Variants in GOPC observed in about 807,000 individuals in gnomAD.
GOPC encodes the protein Golgi-associated PDZ and coiled-coil motif-containing protein.
Under a neutral mutation model 51.2 loss-of-function variants are expected in GOPC, and 32 were observed. The observed-to-expected ratio is 0.63, with a 90% CI of 0.47 to 0.84. The LOEUF (loss-of-function observed/expected upper bound fraction) is 0.84, where lower values mean the gene tolerates loss of function less well. GOPC is among the 40% of genes least tolerant of loss of function. The pLI is 0.00. For synonymous variants in GOPC, 190 were observed against 205.1 expected, an observed-to-expected ratio of 0.93 and a Z score of 0.63; for missense variants, 441 against 555.5, an observed-to-expected ratio of 0.79 and a Z score of 2.07.
chr6:117,589,057 AAAAAC>A (rs1346378859), intron 1 of GOPC, among the ~76,000 whole-genome samples: 3 of 152,314 alleles, frequency 2.0e-5, no homozygotes, highest in African/African-American at 7.2e-5. Flanking sequence ...ATTAAAAAGA[AAAAAC>A]AAATCACGCA....
intron 1 of GOPC, among the ~76,000 whole-genome samples, chr6:117,580,381 A>C (rs954002075): frequency 6.6e-6 from 1 of 152,100 alleles, no homozygotes; most frequent in Non-Finnish European, 1.5e-5. Flanking sequence ...GACTATTCTC[A>C]TAAGATTATT....
At position 117,563,384 on chromosome 6, in the gene GOPC, C is replaced by A. The variant is rs79478098; in HGVS notation, c.1259G>T (p.Gly420Val). The change falls in exon 9 of 9, where the codon GGA becomes GTA. Residue 420 changes from glycine (G) to valine (V), a missense_variant and splice_region_variant. By Grantham distance (109) the Gly-to-Val change is moderately radical. This residue lies in a region of GOPC where 71 missense variants were observed against 68.8 expected (regional missense o/e 1.03). Coordinates refer to ENST00000368498, the MANE Select transcript of GOPC (RefSeq NM_020399.4). ...GTCAGTTACTGCCTTCTTATTAAAT[C>A]CTGAAAGAAAGGAGAAAAAAAAAGC... ...DTSGEIKVLQ[G>V]FNKKAVTDTH... is the part of the protein sequence containing the mutation. The A allele has an allele frequency of 1.2e-6, 2 of 1,612,062 alleles. No individual in the cohort carries two copies. Among genetic ancestry groups the A allele is most frequent in the East Asian group, 4.5e-5 (2 of 44,852 alleles).
At chr6:117,591,807 A>G (rs1387328116) in intron 1 of GOPC, among the ~76,000 whole-genome samples, 1 of 152,218 alleles carries the variant, frequency 6.6e-6, no homozygotes, top group African/African-American at 2.4e-5. Context: ...AGAGAGATAC[A>G]GAAAGAAGAA....
intron 1 of GOPC, among the ~76,000 whole-genome samples, chr6:117,596,573 G>GT (rs1474562800): frequency 6.6e-6 from 1 of 152,142 alleles, no homozygotes; most frequent in Non-Finnish European, 1.5e-5. Context: ...TTTATATACG[G>GT]TAAGAGAGGA....
intron 1 of GOPC, among the ~76,000 whole-genome samples, chr6:117,597,048 A>G (rs981962821): frequency 2.0e-5 from 3 of 152,044 alleles, no homozygotes; most frequent in Admixed American, 1.3e-4. Flanking sequence ...TGTTTGTATC[A>G]CCTATGATTT....
In GOPC at chr6:117,602,011, T is replaced by C. The variant is rs1407573443; in HGVS notation, c.278A>G (p.Lys93Arg). ...CCAGCACCCACGGCTCACCTCCAGCTTGTGGTTGATTTGAGACACAGACTG... is the reference window on the plus strand; with the variant it reads ...CCAGCACCCACGGCTCACCTCCAGCCTGTGGTTGATTTGAGACACAGACTG... ...KAQSVSQINH[K>R]LEAQLVDLKS... is the part of the protein sequence containing the mutation. Residue 93 changes from lysine to arginine, a missense_variant, in exon 1 of 9, where the codon AAG becomes AGG. Physicochemically the swap from Lys to Arg is conservative, Grantham distance 26 (BLOSUM62 2). This residue lies in a region of GOPC where 204 missense variants were observed against 219.8 expected (regional missense o/e 0.93). Coordinates refer to ENST00000368498, the MANE Select transcript of GOPC (RefSeq NM_020399.4). The C allele has an allele frequency of 6.2e-7, 1 of 1,614,040 alleles. No individual in the cohort carries two copies. The highest frequency in any genetic ancestry group is 8.5e-7 in the Non-Finnish European group (1 of 1,179,936).
chr6:117,566,896 C>A lies in GOPC; in HGVS notation c.1216G>T (p.Ala406Ser). The A allele has an allele frequency of 6.2e-7, 1 of 1,604,428 alleles. No homozygotes were observed. ...DELEGGGNPG[A>S]SCKDTSGEIK... is the part of the protein sequence containing the mutation. The stretch of plus-strand genomic sequence containing the variant: ...TCCCCACTTGTGTCTTTGCAACTAG[C>A]ACCAGGGTTACCACCTCCTTCTAAC... Residue 406 changes from alanine to serine, a missense_variant, in exon 8 of 9, where the codon GCT (alanine) becomes TCT (serine). By Grantham distance (99) the Ala-to-Ser change is moderately conservative (BLOSUM62 1). Transcript: ENST00000368498.
rs1301224746 is a variant in GOPC, at chr6:117,567,042, A to G, written c.1078-8T>C. 5.8e-6 allele frequency: 9 copies of G among 1,548,156 alleles called. No individual in the cohort carries two copies. The highest frequency in any genetic ancestry group is 6.9e-6 in the Non-Finnish European group (8 of 1,154,000). On this transcript the variant is annotated splice_polypyrimidine_tract_variant and splice_region_variant and intron_variant, in intron 7 of 8. Transcript: ENST00000368498. Reference sequence around the variant, plus strand: ...AAATTCAATCTCTCCTCTCTAAAACAGGAAATGAAAATGAGAAAGTCAAGT... The same window carrying G: ...AAATTCAATCTCTCCTCTCTAAAACGGGAAATGAAAATGAGAAAGTCAAGT...
intron 1 of GOPC, among the ~76,000 whole-genome samples, chr6:117,601,172 C>A (rs982972043): frequency 2.6e-5 from 4 of 152,116 alleles, no homozygotes; most frequent in Non-Finnish European, 4.4e-5. Flanking sequence ...ACTCTTTATG[C>A]AATAATGTTA....
intron 1 of GOPC, among the ~76,000 whole-genome samples, chr6:117,584,809 C>T (rs1562144716): frequency 6.6e-6 from 1 of 151,766 alleles, no homozygotes; most frequent in Admixed American, 6.6e-5. Context: ...TTAGCACCAT[C>T]CCCTTGGTGG....
chr6:117,598,813 AG>A (rs1771933475), intron 1 of GOPC, among the ~76,000 whole-genome samples: 1 of 152,210 alleles, frequency 6.6e-6, no homozygotes, highest in African/African-American at 2.4e-5. Context: ...GCTAAATAAG[AG>A]GAAAAAGTTC....
chr6:117,583,882 T>C (rs538796018), intron 1 of GOPC, among the ~76,000 whole-genome samples: 90 of 152,348 alleles, frequency 5.9e-4, no homozygotes, highest in Non-Finnish European at 1.0e-3. Context: ...CTATGAGTGA[T>C]CATCAAGCTT....
chr6:117,580,104 A>G (rs1421870606), intron 1 of GOPC, among the ~76,000 whole-genome samples: 1 of 152,102 alleles, frequency 6.6e-6, no homozygotes, highest in East Asian at 1.9e-4. Flanking sequence ...GACAAAATAG[A>G]AGCAGTAATG....
At position 117,590,187 on chromosome 6, in the gene GOPC, A is replaced by G. The variant is rs542196572; in HGVS notation, c.286-11123T>C. Among the ~76,000 whole-genome samples the G allele has an allele frequency of 6.5e-4, 99 of 152,340 alleles. 2 individuals are homozygous for G. In the South Asian group the frequency reaches 0.02, roughly 31 times the overall value. On this transcript the variant is annotated intron_variant, in intron 1 of 8. Coordinates refer to ENST00000368498, the MANE Select transcript of GOPC (RefSeq NM_020399.4). ...TTTCAAAAAATTCATTCATTCAAAT[A>G]AACATTGAGTACTCACTGTGTACCA...
At position 117,563,273 on chromosome 6, in the gene GOPC, T is replaced by C. The variant is rs1164712135; in HGVS notation, c.1370A>G (p.Tyr457Cys). 2 of 1,613,278 alleles carry C rather than the reference T, an allele frequency of 1.2e-6. No homozygotes were observed. The highest frequency in any genetic ancestry group is 8.5e-7 in the Non-Finnish European group (1 of 1,179,334). Reference protein sequence around the residue: ...ASKLDDLHTLYHKKSY With the variant: ...ASKLDDLHTLCHKKSY ...GTCAATTTAATAAGATTTTTTATGA[T>C]ACAGAGTGTGCAGATCATCTAATTT... Residue 457 changes from tyrosine to cysteine, a missense_variant, in exon 9 of 9, where the codon TAT (tyrosine) becomes TGT (cysteine). Transcript: ENST00000368498.
Position 117,563,095 on chromosome 6 carries a change from T to C in GOPC, c.*159A>G, listed in dbSNP as rs751476594. 4 of 626,830 alleles carry C rather than the reference T, an allele frequency of 6.4e-6. No individual in the cohort carries two copies. The highest frequency in any genetic ancestry group is 8.4e-6 in the Non-Finnish European group (3 of 357,094). The allele number at this position is 626,830 out of a possible 1,614,324, so 38.8% of individuals were successfully genotyped here. A position where few individuals can be genotyped will look rare whatever the true frequency, so the allele number is the denominator to read the frequency against. ...GGTCTACCACAGAAAACAGGGTGTT[T>C]TATGCATTGAGAATTGTTCACATGA... On this transcript the variant is annotated 3_prime_UTR_variant, in exon 9 of 9. Coordinates refer to ENST00000368498, the MANE Select transcript of GOPC (RefSeq NM_020399.4).
intron 1 of GOPC, among the ~76,000 whole-genome samples, chr6:117,592,791 C>A (rs1208808740): frequency 6.6e-6 from 1 of 152,182 alleles, no homozygotes; most frequent in Non-Finnish European, 1.5e-5. Flanking sequence ...ACTACAGATA[C>A]TGATCAATCA....
At chr6:117,565,679 G>T (rs564049720) in intron 8 of GOPC, among the ~76,000 whole-genome samples, 1 of 152,104 alleles carries the variant, frequency 6.6e-6, no homozygotes, top group Non-Finnish European at 1.5e-5. Context: ...GGTGATCAAC[G>T]TATGTTTTAC....
chr6:117,595,377 TGTTTTGTTTGTTTGG>T (rs988749340), intron 1 of GOPC, among the ~76,000 whole-genome samples: 1 of 152,156 alleles, frequency 6.6e-6, no homozygotes, highest in African/African-American at 2.4e-5. Context: ...AGTTGTGTTT[TGTTTTGTTTGTTTGG>T]GTTTTGTTTT....
Sources: allele counts gnomAD v4.1 joint callset (sites outside exome capture counted in the v4.1 genomes callset), GRCh38; gene constraint gnomAD v4.1.1; regional missense constraint gnomAD v4.1.1; transcripts MANE v1.5; gene names NCBI Gene and HGNC (gene_info 2026-07-23, HGNC 2026-07-21).